MINDY4: variants seen among roughly 807,000 people sequenced by gnomAD.
MINDY4 encodes probable ubiquitin carboxyl-terminal hydrolase MINDY-4.
Under a neutral mutation model 87.0 loss-of-function variants are expected in MINDY4, and 68 were observed. That is an observed-to-expected ratio of 0.78 (90% CI 0.64 to 0.96). MINDY4 has a LOEUF of 0.96. Among genes scored for constraint, MINDY4 ranks in the 40% least tolerant of loss-of-function variants. The probability of loss-of-function intolerance (pLI) is 0.00; values close to 1 mark genes in which losing one functional copy is unlikely to be tolerated. For missense variants in MINDY4, 919 were observed against 928.2 expected (o/e 0.99, Z 0.13); for synonymous variants, 379 against 363.2 (o/e 1.04, Z -0.50).
intron 1 of MINDY4, among the ~76,000 whole-genome samples, chr7:30,776,393 C>A (rs1276059396): frequency 1.3e-5 from 2 of 152,116 alleles, no homozygotes; most frequent in Admixed American, 6.6e-5. Flanking sequence ...TCTTTTGATT[C>A]CCTCATCAAT....
At chr7:30,816,382 G>C (rs770430538) in intron 5 of MINDY4, among the ~76,000 whole-genome samples, 13 of 152,258 alleles carry the variant, frequency 8.5e-5, no homozygotes, top group Non-Finnish European at 1.8e-4. Context: ...AGAAATGTTG[G>C]AACTGATTTC....
intron 7 of MINDY4, 104 bp from the exon 8 acceptor site, chr7:30,839,096 C>T (rs1195013881): frequency 2.9e-6 from 2 of 679,994 alleles, no homozygotes; most frequent in East Asian, 2.7e-5. Flanking sequence ...AAATGGGCTT[C>T]CCTGCTAGAA....
chr7:30,837,270 G>A (rs1036088289), intron 7 of MINDY4, among the ~76,000 whole-genome samples: 3 of 152,110 alleles, frequency 2.0e-5, no homozygotes, highest in Admixed American at 1.3e-4. Context: ...TCTTCTGCAG[G>A]GGTGTCTGGG....
chr7:30,864,722 G>T (rs1789876155), intron 13 of MINDY4, among the ~76,000 whole-genome samples: 1 of 152,232 alleles, frequency 6.6e-6, no homozygotes, highest in Non-Finnish European at 1.5e-5. Flanking sequence ...CCCAGAGAAG[G>T]CCACCACATC....
At chr7:30,865,607 G>T (rs1412678646) in intron 13 of MINDY4, among the ~76,000 whole-genome samples, 4 of 152,354 alleles carry the variant, frequency 2.6e-5, no homozygotes, top group African/African-American at 9.6e-5. Flanking sequence ...TGGAGACCCT[G>T]TGCAGACACC....
chr7:30,776,067 T>C (rs1358259821), intron 1 of MINDY4, among the ~76,000 whole-genome samples: 1 of 152,226 alleles, frequency 6.6e-6, no homozygotes, highest in Non-Finnish European at 1.5e-5. Context: ...GCCACCCCTT[T>C]GTTTCATGTG....
At position 30,850,506 on chromosome 7, in the gene MINDY4, G is replaced by C. The variant is rs141715166; in HGVS notation, c.1498G>C (p.Ala500Pro). The change falls in exon 10 of 18, where the codon GCA (alanine) becomes CCA (proline). Residue 500 changes from alanine to proline, a missense_variant. Ala to Pro is a conservative substitution (Grantham distance 27). Coordinates refer to ENST00000265299, the MANE Select transcript of MINDY4 (RefSeq NM_032222.3). ...GACCCGCTGCCTCGTCCTGGCCCTC[G>C]CAGACATTGTGTGGCGGGCAGGGGG... ...HRTRCLVLAL[A>P]DIVWRAGGRE... The C allele has an allele frequency of 1.2e-5, 20 of 1,612,212 alleles. No individual in the cohort carries two copies. The highest frequency in any genetic ancestry group is 1.7e-5 in the Non-Finnish European group (20 of 1,179,338).
At chr7:30,868,219 C>T (rs1403926627) in intron 13 of MINDY4, among the ~76,000 whole-genome samples, 2 of 152,178 alleles carry the variant, frequency 1.3e-5, no homozygotes, top group Admixed American at 1.3e-4. Flanking sequence ...CTAGGGCTTG[C>T]TTGGAGCTGG....
chr7:30,807,692 A>G (rs1787854143), intron 5 of MINDY4, among the ~76,000 whole-genome samples: 1 of 152,204 alleles, frequency 6.6e-6, no homozygotes, highest in Non-Finnish European at 1.5e-5. Flanking sequence ...CAGTTATGTT[A>G]TCTATACATT....
In MINDY4 at chr7:30,883,006, C is replaced by A. The variant is rs1414953665; in HGVS notation, c.2225+13C>A. 6.2e-7 allele frequency: 1 copy of A among 1,613,390 alleles called. No individual in the cohort carries two copies. The highest frequency in any genetic ancestry group is 1.7e-5 in the Admixed American group (1 of 59,988). On this transcript the variant is annotated intron_variant, in intron 17 of 17. Transcript: ENST00000265299. ...GCATCAGAACCAAGTGAGTCAAGCC[C>A]CTCTCTGGCTTTGAGCCTCACCCTG... is the stretch of plus-strand genomic sequence containing the variant.
At chr7:30,857,817 C>G (rs1789624597) in intron 12 of MINDY4, 1 of 152,152 alleles carries the variant, frequency 6.6e-6, no homozygotes, top group African/African-American at 2.4e-5. Flanking sequence ...TTCACCAATA[C>G]AATCTTTTTA....
intron 1 of MINDY4, among the ~76,000 whole-genome samples, chr7:30,774,651 C>G (rs1786753633): frequency 6.6e-6 from 1 of 151,922 alleles, no homozygotes; most frequent in Admixed American, 6.6e-5. Context: ...CATTATTAAC[C>G]TGGAATTTTT....
intron 9 of MINDY4, 127 bp from the exon 10 acceptor site, chr7:30,850,323 GTGGC>G (rs1230725780): frequency 5.1e-6 from 4 of 791,988 alleles, no homozygotes; most frequent in Non-Finnish European, 8.2e-6. Flanking sequence ...TGGGCTGCAG[GTGGC>G]CCCTCTGCAG....
chr7:30,780,998 A>C (rs4723016), intron 2 of MINDY4: 49,826 of 152,168 alleles, frequency 0.33, 8,638 homozygotes, highest in African/African-American at 0.4. Flanking sequence ...GTTGTAGTCC[A>C]TGGGCTGTGG....
At chr7:30,812,279 G>GCA (rs5883258) in intron 5 of MINDY4, among the ~76,000 whole-genome samples, 3 of 97,364 alleles carry the variant, frequency 3.1e-5, no homozygotes, top group Non-Finnish European at 5.8e-5. Context: ...TGAGGGGGGG[G>GCA]GGGTATGTAT....
chr7:30,771,941 A>G (rs893709661), intron 1 of MINDY4, among the ~76,000 whole-genome samples: 2 of 152,248 alleles, frequency 1.3e-5, no homozygotes, highest in Non-Finnish European at 2.9e-5. Flanking sequence ...CACGCAAGTC[A>G]GGGTCCCACT....
At chr7:30,889,218 C>T (rs1562568658) in intron 17 of MINDY4, among the ~76,000 whole-genome samples, 2 of 152,200 alleles carry the variant, frequency 1.3e-5, no homozygotes, top group East Asian at 1.9e-4. Context: ...TGACACACTC[C>T]AAACTGCAAA....
At chr7:30,836,587 G>A in intron 6 of MINDY4, 71 bp from the exon 7 acceptor site, 1 of 1,221,056 alleles carries the variant, frequency 8.2e-7, no homozygotes, top group Non-Finnish European at 1.2e-6. Flanking sequence ...TGTCTGTGGT[G>A]TTCAGTGACT....
intron 17 of MINDY4, among the ~76,000 whole-genome samples, chr7:30,886,678 A>C (rs1306341132): frequency 6.6e-6 from 1 of 152,190 alleles, no homozygotes; most frequent in Non-Finnish European, 1.5e-5. Flanking sequence ...CCTCGGTGAC[A>C]TTGCACAAGC....
Sources: allele counts gnomAD v4.1 joint callset (sites outside exome capture counted in the v4.1 genomes callset), GRCh38; gene constraint gnomAD v4.1.1; transcripts MANE v1.5; gene names NCBI Gene and HGNC (gene_info 2026-07-23, HGNC 2026-07-21).